AHI1: variants seen among roughly 807,000 people sequenced by gnomAD.
The protein encoded by AHI1 is jouberin.
A neutral mutation model predicts 149.3 loss-of-function variants in AHI1; 123 were observed. The ratio of observed to expected loss-of-function variants is 0.82; its 90% CI spans 0.71 to 0.96. AHI1 has a LOEUF of 0.96. Among genes scored for constraint, AHI1 ranks in the 40% least tolerant of loss-of-function variants. The probability of loss-of-function intolerance (pLI) is 0.00; values close to 1 mark genes in which losing one functional copy is unlikely to be tolerated. For synonymous variants in AHI1, 475 were observed against 459.8 expected, an observed-to-expected ratio of 1.03 and a Z score of -0.42; for missense variants, 1,439 against 1,422.7, an observed-to-expected ratio of 1.01 and a Z score of -0.18.
chr6:135,391,102 G>A (rs1400419159), intron 23 of AHI1, among the ~76,000 whole-genome samples: 1 of 152,132 alleles, frequency 6.6e-6, no homozygotes, highest in Non-Finnish European at 1.5e-5. Context: ...ATAGCTTAAT[G>A]AACAGTTCCT....
rs184859282 is a variant in AHI1 at position 135,428,154 on chromosome 6, T to C, written c.2623+475A>G. ...GGCACAAGTGAGCTTCCCAATGTAA[T>C]TGTTTATTGGAAAAAAACTGAACTG... On this transcript the variant is annotated intron_variant, in intron 19 of 28. Transcript: ENST00000265602. 1.7e-3 allele frequency among the ~76,000 whole-genome samples: 256 copies of C among 151,782 alleles called. 2 individuals are homozygous for C. Among genetic ancestry groups the C allele is most frequent in the African/African-American group, 5.7e-3 (238 of 41,546 alleles).
intron 22 of AHI1, 79 bp from the exon 23 acceptor site, chr6:135,394,975 CTTA>C: frequency 6.9e-7 from 1 of 1,450,906 alleles, no homozygotes; most frequent in Non-Finnish European, 9.4e-7. Flanking sequence ...GAAATATTTG[CTTA>C]TTATACAAAC....
chr6:135,330,005 C>G (rs565314863), intron 24 of AHI1, among the ~76,000 whole-genome samples: 1 of 152,178 alleles, frequency 6.6e-6, no homozygotes, highest in African/African-American at 2.4e-5. Flanking sequence ...CATGATAAAA[C>G]GAATGGATAA....
At chr6:135,420,644 C>A (rs947749734) in intron 20 of AHI1, among the ~76,000 whole-genome samples, 1 of 152,194 alleles carries the variant, frequency 6.6e-6, no homozygotes, top group South Asian at 2.1e-4. Flanking sequence ...AGCTACCTCA[C>A]CTCTCACAGC....
At chr6:135,392,387 A>G (rs1778634419) in intron 23 of AHI1, among the ~76,000 whole-genome samples, 1 of 152,180 alleles carries the variant, frequency 6.6e-6, no homozygotes, top group South Asian at 2.1e-4. Context: ...TTACAACAGA[A>G]CATAAACCCA....
intron 24 of AHI1, among the ~76,000 whole-genome samples, chr6:135,325,764 C>T (rs751975731): frequency 6.6e-6 from 1 of 152,106 alleles, no homozygotes; most frequent in Admixed American, 6.5e-5. Flanking sequence ...TGGTACAAAA[C>T]ACAACTTTAA....
At chr6:135,397,689 A>C (rs1237703119) in intron 22 of AHI1, among the ~76,000 whole-genome samples, 1 of 152,052 alleles carries the variant, frequency 6.6e-6, no homozygotes, top group Non-Finnish European at 1.5e-5. Context: ...GCACAATATT[A>C]AGCAAGCTGA....
chr6:135,363,502 C>T lies in AHI1; in HGVS notation c.3110-5315G>A, dbSNP rs950413834. Among the ~76,000 whole-genome samples the T allele has an allele frequency of 2.7e-4, 41 of 152,318 alleles. No homozygotes were observed. In the East Asian group the frequency reaches 6.2e-3, roughly 23 times the overall value. On this transcript the variant is annotated intron_variant, in intron 23 of 28. Transcript: ENST00000265602. ...TTTCTCAATCTTTTCCCCACCTTTC[C>T]CCCCTTTCTATTCTACAAAACCGCC...
intron 5 of AHI1, among the ~76,000 whole-genome samples, chr6:135,483,244 T>C (rs1035134151): frequency 2.6e-5 from 4 of 152,062 alleles, no homozygotes; most frequent in African/African-American, 9.7e-5. Flanking sequence ...ACACTAGGGT[T>C]CTAAACTTGT....
chr6:135,488,938 T>C (rs549114455), intron 5 of AHI1, among the ~76,000 whole-genome samples: 1 of 152,320 alleles, frequency 6.6e-6, no homozygotes, highest in South Asian at 2.1e-4. Flanking sequence ...GTTACTTAAC[T>C]TCTGATGTAG....
intron 23 of AHI1, among the ~76,000 whole-genome samples, chr6:135,366,761 A>AT (rs574488986): frequency 3.3e-5 from 5 of 151,728 alleles, no homozygotes; most frequent in African/African-American, 1.2e-4. Flanking sequence ...CATCTTTTGT[A>AT]TTTTTTTGTT....
chr6:135,376,559 A>C (rs1221045965), intron 23 of AHI1, among the ~76,000 whole-genome samples: 1 of 152,138 alleles, frequency 6.6e-6, no homozygotes, highest in Non-Finnish European at 1.5e-5. Context: ...TCAGGATGAA[A>C]TACATTCAAA....
chr6:135,441,278 A>G (rs939598168), intron 14 of AHI1, among the ~76,000 whole-genome samples: 1 of 152,194 alleles, frequency 6.6e-6, no homozygotes, highest in African/African-American at 2.4e-5. Context: ...GAGATTATCC[A>G]GTCTGAAAAA....
intron 27 of AHI1, among the ~76,000 whole-genome samples, chr6:135,299,201 G>C (rs369448173): frequency 6.6e-5 from 10 of 152,284 alleles, no homozygotes; most frequent in South Asian, 2.1e-4. Flanking sequence ...GTATCTTCTA[G>C]ATCATGATTC....
chr6:135,366,670 C>T (rs1262304288), intron 23 of AHI1, among the ~76,000 whole-genome samples: 3 of 152,140 alleles, frequency 2.0e-5, no homozygotes, highest in Admixed American at 2.0e-4. Flanking sequence ...TTTGGATCTT[C>T]TCTCTTCTTT....
At chr6:135,297,474 C>A in intron 27 of AHI1, 1 of 456,238 alleles carries the variant, frequency 2.2e-6, no homozygotes, top group Non-Finnish European at 4.4e-6. Flanking sequence ...TTCCTCCTGC[C>A]TTCTCATTCA....
At chr6:135,492,969 A>G (rs1795462624) in intron 3 of AHI1, 4 of 926,040 alleles carry the variant, frequency 4.3e-6, no homozygotes, top group Non-Finnish European at 5.0e-6. Context: ...TTTTGAGACT[A>G]AAACTGAAGA....
intron 11 of AHI1, among the ~76,000 whole-genome samples, chr6:135,452,776 C>T (rs925723752): frequency 6.6e-6 from 1 of 152,096 alleles, no homozygotes; most frequent in Admixed American, 6.6e-5. Flanking sequence ...TCTGAATTAA[C>T]CCTGCTCCTT....
chr6:135,493,031 T>TG, intron 3 of AHI1: 2 of 927,892 alleles, frequency 2.2e-6, no homozygotes, highest in Non-Finnish European at 2.6e-6. Flanking sequence ...GTTTTTGAGA[T>TG]GGAGTCTCCC....
Sources: gnomAD v4.1 joint callset for allele counts (sites outside exome capture counted in the v4.1 genomes callset) on GRCh38, gnomAD v4.1.1 for gene constraint, MANE v1.5 for transcripts, NCBI Gene and HGNC (gene_info 2026-07-23, HGNC 2026-07-21) for gene names.